LRRC37A2: variants seen among roughly 807,000 people sequenced by gnomAD.
LRRC37A2 encodes leucine rich repeat containing 37 member A2, also known as leucine-rich repeat-containing protein 37A2.
Under a neutral mutation model 68.8 loss-of-function variants are expected in LRRC37A2, and 9 were observed. That is an observed-to-expected ratio of 0.13 (90% CI 0.08 to 0.23). The LOEUF (loss-of-function observed/expected upper bound fraction) is 0.23. Ranked by LOEUF, LRRC37A2 falls within the 10% of genes least tolerant of loss-of-function variation. LRRC37A2 has a pLI of 1.00. For missense variants in LRRC37A2, 168 were observed against 950.4 expected (o/e 0.18, Z 10.82); for synonymous variants, 63 against 367.6 (o/e 0.17, Z 9.48).
At chr17:46,823,108 C>CTT in the LRRC37A2 span, among the ~76,000 whole-genome samples, 1 of 105,950 alleles carries the variant, frequency 9.4e-6, no homozygotes, top group Non-Finnish European at 1.9e-5. Context: ...ATAATAAACA[C>CTT]ATATATTATA....
At chr17:46,635,777 A>ATGTGTGTGTGTGTGTGTGTGTG in the LRRC37A2 span, among the ~76,000 whole-genome samples, 66 of 116,790 alleles carry the variant, frequency 5.7e-4, no homozygotes, top group East Asian at 4.8e-3. Flanking sequence ...GGGAAAATAA[A>ATGTGTGTGTGTGTGTGTGTGTG]TGTGTGTGTG....
the LRRC37A2 span, chr17:47,018,996 G>T: frequency 6.6e-7 from 1 of 1,505,562 alleles, no homozygotes; most frequent in South Asian, 1.1e-5. Context: ...TCAGCATCCA[G>T]TGTCACCCAG....
the LRRC37A2 span, among the ~76,000 whole-genome samples, chr17:46,922,334 G>A: frequency 6.6e-6 from 1 of 152,162 alleles, no homozygotes; most frequent in Non-Finnish European, 1.5e-5. Context: ...GGCCTGTTGT[G>A]GGGTGGGGAG....
At chr17:46,979,005 C>A in the LRRC37A2 span, 2 of 1,407,340 alleles carry the variant, frequency 1.4e-6, no homozygotes. Flanking sequence ...AGGTCGCGTT[C>A]ATCGCCGCGC....
the LRRC37A2 span, among the ~76,000 whole-genome samples, chr17:46,816,473 ACG>A: frequency 2.6e-5 from 2 of 77,412 alleles, no homozygotes; most frequent in East Asian, 5.6e-4. Flanking sequence ...CCCAGAACAC[ACG>A]CACACACACA....
the LRRC37A2 span, among the ~76,000 whole-genome samples, chr17:46,965,691 C>T: frequency 2.0e-5 from 3 of 152,106 alleles, no homozygotes; most frequent in African/African-American, 7.2e-5. Context: ...GGTGTGATCA[C>T]GGCACGCTGC....
chr17:46,802,558 G>A, the LRRC37A2 span, among the ~76,000 whole-genome samples: 545 of 152,242 alleles, frequency 3.6e-3, 5 homozygotes, highest in African/African-American at 0.013. Flanking sequence ...GTGAGCCACC[G>A]TGCCCGGCCA....
chr17:46,865,812 A>G, the LRRC37A2 span, among the ~76,000 whole-genome samples: 736 of 152,236 alleles, frequency 4.8e-3, 4 homozygotes, highest in African/African-American at 0.017. Flanking sequence ...CGTCTCACTT[A>G]CGTTGCCCAG....
chr17:46,708,823 T>TATA, the LRRC37A2 span, among the ~76,000 whole-genome samples: 1,795 of 59,110 alleles, frequency 0.03, 21 homozygotes, highest in East Asian at 0.046. Context: ...TATATATATA[T>TATA]TTTTTTTTTT....
chr17:46,839,465 G>A, the LRRC37A2 span, among the ~76,000 whole-genome samples: 7 of 152,258 alleles, frequency 4.6e-5, no homozygotes, highest in African/African-American at 1.7e-4. Context: ...CTGTATGGCT[G>A]TGGCACAACG....
At chr17:46,927,742 G>A in the LRRC37A2 span, among the ~76,000 whole-genome samples, 1 of 152,060 alleles carries the variant, frequency 6.6e-6, no homozygotes, top group African/African-American at 2.4e-5. Flanking sequence ...CTGCACTGCC[G>A]CCATATTGTT....
chr17:46,943,619 C>T, the LRRC37A2 span, among the ~76,000 whole-genome samples: 9 of 152,298 alleles, frequency 5.9e-5, no homozygotes, highest in East Asian at 3.9e-4. Flanking sequence ...ACGTAGTAGG[C>T]GCAGGCGCCA....
chr17:46,836,012 T>C, the LRRC37A2 span, among the ~76,000 whole-genome samples: 7 of 151,732 alleles, frequency 4.6e-5, no homozygotes, highest in African/African-American at 1.7e-4. Context: ...TGCCCACACA[T>C]TCTGGATGGG....
chr17:47,023,919 A>C, the LRRC37A2 span, among the ~76,000 whole-genome samples: 414 of 152,284 alleles, frequency 2.7e-3, 2 homozygotes, highest in African/African-American at 9.6e-3. Context: ...AAAACAAGAA[A>C]ATTATTACAA....
chr17:46,525,982 C>G (rs1446622901), intron 6 of LRRC37A2, among the ~76,000 whole-genome samples: 1 of 84,140 alleles, frequency 1.2e-5, no homozygotes, highest in Non-Finnish European at 2.4e-5. Flanking sequence ...ACTTGCTTAT[C>G]TTGAGTTTCT....
At chr17:46,876,445 G>C in the LRRC37A2 span, 8 of 1,613,738 alleles carry the variant, frequency 5.0e-6, no homozygotes, top group Non-Finnish European at 6.8e-6. Context: ...CTGCCAGGCA[G>C]GGCAGCCTCA....
At chr17:46,937,799 A>G in the LRRC37A2 span, 2 of 152,256 alleles carry the variant, frequency 1.3e-5, no homozygotes, top group Non-Finnish European at 2.9e-5. Flanking sequence ...GCAGTATTCC[A>G]TTGGTACAGG....
chr17:46,708,731 C>T, the LRRC37A2 span, among the ~76,000 whole-genome samples: 2 of 147,738 alleles, frequency 1.4e-5, no homozygotes, highest in African/African-American at 4.9e-5. Flanking sequence ...TGACCTCAAG[C>T]GATCCACCTA....
chr17:46,558,857 T>G (rs1291005864), downstream of LRRC37A2: 2 of 130,388 alleles, frequency 1.5e-5, no homozygotes, highest in African/African-American at 6.0e-5. Flanking sequence ...TTTTTTTTTT[T>G]TTTCAGAGAC....
Sources: gnomAD v4.1 joint callset for allele counts (sites outside exome capture counted in the v4.1 genomes callset) on GRCh38, gnomAD v4.1.1 for gene constraint, MANE v1.5 for transcripts, NCBI Gene and HGNC (gene_info 2026-07-23, HGNC 2026-07-21) for gene names.